The following KMT2B variants were observed in gnomAD, a reference collection of about 807,000 sequenced individuals.
KMT2B encodes the protein lysine methyltransferase 2B.
In KMT2B, 22 loss-of-function variants were observed where a neutral mutation model predicts 255.3. That is an observed-to-expected ratio of 0.09 (90% confidence interval 0.06 to 0.12). The LOEUF (loss-of-function observed/expected upper bound fraction) is 0.12, where lower values mean the gene tolerates loss of function less well. Among genes scored for constraint, KMT2B ranks in the 10% least tolerant of loss-of-function variants. KMT2B has a pLI of 1.00. For synonymous variants in KMT2B, 1,730 were observed against 1,498.1 expected, an observed-to-expected ratio of 1.15 and a Z score of -3.57; for missense variants, 3,149 against 3,737.0, an observed-to-expected ratio of 0.84 and a Z score of 4.10.
chr19:35,726,272 G>A lies in KMT2B; in HGVS notation c.3922G>A (p.Ala1308Thr). Residue 1308 changes from alanine to threonine, a missense_variant, in exon 14 of 37, where the codon GCA (alanine) becomes ACA (threonine). Transcript: ENST00000420124. Reference protein sequence around the residue: ...SACVRCKSCGATPGKNWDVEW... With the variant: ...SACVRCKSCGTTPGKNWDVEW... ...CTGTGTGCGCTGTAAGAGCTGTGGG[G>A]CAACTCCAGGCAAGAACTGGGACGT... 1.9e-6 allele frequency: 3 copies of A among 1,613,812 alleles called. No homozygotes were observed. Among genetic ancestry groups the A allele is most frequent in the South Asian group, 1.1e-5 (1 of 91,076 alleles).
chr19:35,733,820 C>G lies in KMT2B; in HGVS notation c.7107C>G (p.Val2369=). The change falls in exon 30 of 37, where the codon GTC becomes GTG. Residue 2369 remains valine (V), a synonymous_variant. Transcript: ENST00000420124. This position sits in a 1 kb window ranked among gnomAD's most constrained non-coding sequence, Gnocchi z 4.3. ...TTCCGGAAGATGGTCCTCCCCAGGT[C>G]CCCGATGGTCCCCCAGACCTGCTGC... The part of the protein sequence containing the change: ...LPLPEDGPPQ[V]PDGPPDLLLE... The G allele has an allele frequency of 6.2e-7, 1 of 1,613,736 alleles. No individual in the cohort carries two copies. The highest frequency in any genetic ancestry group is 8.5e-7 in the Non-Finnish European group (1 of 1,179,734).
intron 1 of KMT2B, among the ~76,000 whole-genome samples, 179 bp from the exon 2 acceptor site, chr19:35,719,290 C>T (rs562388181): frequency 6.6e-6 from 1 of 152,266 alleles, no homozygotes; most frequent in African/African-American, 2.4e-5. Flanking sequence ...CCTGGCGCCT[C>T]CATCCCTAGG....
intron 3 of KMT2B, 69 bp downstream of exon 3, chr19:35,721,873 C>A: frequency 6.9e-7 from 1 of 1,455,886 alleles, no homozygotes; most frequent in Non-Finnish European, 9.0e-7. Flanking sequence ...ACCCCCTAAC[C>A]TTCCGCCTCC....
In KMT2B at chr19:35,738,580, C is replaced by T. The variant is rs750229127; in HGVS notation, c.*23C>T. ...TGAGGCCGTGGCTGCCCACCACGACCCCTCACACCTCCTGCTGCCGTCGCT... is the reference window on the plus strand; with the variant it reads ...TGAGGCCGTGGCTGCCCACCACGACTCCTCACACCTCCTGCTGCCGTCGCT... On this transcript the variant is annotated 3_prime_UTR_variant, in exon 37 of 37. Transcript: ENST00000420124. This position sits in a 1 kb window ranked among gnomAD's most constrained non-coding sequence, Gnocchi z 8.7. 1 of 1,603,918 alleles carries T rather than the reference C, an allele frequency of 6.2e-7. No homozygotes were observed. The highest frequency in any genetic ancestry group is 1.1e-5 in the South Asian group (1 of 90,320).
Position 35,723,709 on chromosome 19 carries a change from T to A in KMT2B, c.3059-23T>A, listed in dbSNP as rs375929191. 5 of 1,516,836 alleles carry A rather than the reference T, an allele frequency of 3.3e-6. No individual in the cohort carries two copies. The African/African-American group carries it at 5.6e-5, about 17-fold the overall frequency. The allele number at this position is 1,516,836 out of a possible 1,614,324, so 94.0% of individuals were successfully genotyped here. On this transcript the variant is annotated intron_variant, in intron 7 of 36. Coordinates refer to ENST00000420124, the MANE Select transcript of KMT2B (RefSeq NM_014727.3). The surrounding 1 kb of genome is among the most constrained non-coding windows in gnomAD (Gnocchi z 7.5). ...CATGTCCCTGGCTGAGCTCAAATCC[T>A]ACTAAGTCCCCTGTTCCCGCAGGCC...
Position 35,737,972 on chromosome 19 carries a change from T to G in KMT2B, c.7742+30T>G. 1 of 1,607,064 alleles carries G rather than the reference T, an allele frequency of 6.2e-7. No individual in the cohort carries two copies. The highest frequency in any genetic ancestry group is 1.1e-5 in the South Asian group (1 of 90,110). On this transcript the variant is annotated intron_variant, in intron 35 of 36. Transcript: ENST00000420124. This position sits in a 1 kb window ranked among gnomAD's most constrained non-coding sequence, Gnocchi z 5.3. ...GTGGGGTTGGGGGGGAGGATGCCCCTTGGGTGGACGGACAGGTGCACTGGG... is the reference window on the plus strand; with the variant it reads ...GTGGGGTTGGGGGGGAGGATGCCCCGTGGGTGGACGGACAGGTGCACTGGG...
rs1599707590 is a variant in KMT2B, at chr19:35,738,662, A to C, written c.*105A>C. 2.3e-6 allele frequency: 3 copies of C among 1,277,104 alleles called. No individual in the cohort carries two copies. The highest frequency in any genetic ancestry group is 1.5e-5 in the African/African-American group (1 of 66,736). The allele number at this position is 1,277,104 out of a possible 1,614,324, so 79.1% of individuals were successfully genotyped here. A position where few individuals can be genotyped will look rare whatever the true frequency, so the allele number is the denominator to read the frequency against. On this transcript the variant is annotated 3_prime_UTR_variant, in exon 37 of 37. Transcript: ENST00000420124. The surrounding 1 kb of genome is among the most constrained non-coding windows in gnomAD (Gnocchi z 8.7). ...GCCCCTCCCAGAGCATCTCACCCCC[A>C]CCCTCATGTTCAGGGTGGATGTGGG...
rs1969180928 is a variant in KMT2B at position 35,721,127 on chromosome 19, G to C, written c.1780G>C (p.Val594Leu). The stretch of plus-strand genomic sequence containing the variant: ...TGCCCCAACTCCTCCATCTACCCCA[G>C]TTCCACTCCCTGAGAAGAGACGGTC... ...PRAPTPPSTP[V>L]PLPEKRRSIL... Residue 594 changes from valine to leucine, a missense_variant, in exon 3 of 37, where the codon GTT (valine) becomes CTT (leucine). Transcript: ENST00000420124. 6.2e-7 allele frequency: 1 copy of C among 1,605,050 alleles called. No individual in the cohort carries two copies. The highest frequency in any genetic ancestry group is 1.4e-5 in the African/African-American group (1 of 73,122).
chr19:35,720,754 G>T lies in KMT2B; in HGVS notation c.1407G>T (p.Arg469Ser). 6.8e-7 allele frequency: 1 copy of T among 1,473,544 alleles called. No individual in the cohort carries two copies. The highest frequency in any genetic ancestry group is 9.0e-7 in the Non-Finnish European group (1 of 1,110,952). The allele number at this position is 1,473,544 out of a possible 1,614,324, so 91.3% of individuals were successfully genotyped here. Reference protein sequence around the residue: ...PVVPATCSRKRGRPPLTPSQR... With the variant: ...PVVPATCSRKSGRPPLTPSQR... ...TCCCAGCTACGTGCTCCAGGAAGAG[G>T]GGCCGGCCTCCCCTGACTCCCAGCC... Residue 469 changes from arginine (R) to serine (S), a missense_variant, in exon 3 of 37, where the codon AGG becomes AGT. Coordinates refer to ENST00000420124, the MANE Select transcript of KMT2B (RefSeq NM_014727.3).
chr19:35,737,407 C>A lies in KMT2B; in HGVS notation c.7550+144C>A. The A allele has an allele frequency of 1.0e-6, 1 of 988,180 alleles. No homozygotes were observed. Among genetic ancestry groups the A allele is most frequent in the Non-Finnish European group, 1.4e-6 (1 of 694,928 alleles). 61.2% of individuals were successfully genotyped at this position (988,180 alleles called of 1,614,324 possible). A position where few individuals can be genotyped will look rare whatever the true frequency, so the allele number is the denominator to read the frequency against. ...AGAGTTATTTCTAGAGTTAGCCAGG[C>A]TCCGTGGCTCATGCCTGTAATCCCG... On this transcript the variant is annotated intron_variant, in intron 33 of 36. Transcript: ENST00000420124. This position sits in a 1 kb window ranked among gnomAD's most constrained non-coding sequence, Gnocchi z 5.3.
In KMT2B at chr19:35,727,145, C is replaced by T. The variant is rs1164582892; in HGVS notation, c.4004-11C>T. On this transcript the variant is annotated splice_polypyrimidine_tract_variant and intron_variant, in intron 14 of 36. Coordinates refer to ENST00000420124, the MANE Select transcript of KMT2B (RefSeq NM_014727.3). The surrounding 1 kb of genome is among the most constrained non-coding windows in gnomAD (Gnocchi z 4.2). The stretch of plus-strand genomic sequence containing the variant: ...CCAGCACCTCTGACTCCTTCTCTTC[C>T]CTTTCTCTAGGAAACTACTGCCCGA... 3.1e-6 allele frequency: 5 copies of T among 1,597,916 alleles called. No individual in the cohort carries two copies. The highest frequency in any genetic ancestry group is 1.1e-5 in the South Asian group (1 of 89,038).
At position 35,718,535 on chromosome 19, in the gene KMT2B, CG is replaced by C. The variant is rs1001174696; in HGVS notation, c.363+159del. The stretch of plus-strand genomic sequence containing the variant: ...AGGGAGGGCGGCTGCATGCAGCTTC[CG>C]GGGGAAAGGGCCTCTGGAAGTGGGT... On this transcript the variant is annotated intron_variant, in intron 1 of 36. Transcript: ENST00000420124. The surrounding 1 kb of genome is among the most constrained non-coding windows in gnomAD (Gnocchi z 5.0). Among the ~76,000 whole-genome samples the C allele has an allele frequency of 3.5e-4, 54 of 152,122 alleles. 1 individual carries two copies. Among genetic ancestry groups the C allele is most frequent in the Non-Finnish European group, 5.9e-5 (4 of 68,016 alleles).
Position 35,725,692 on chromosome 19 carries a change from G to T in KMT2B, c.3790-31G>T. On this transcript the variant is annotated intron_variant, in intron 12 of 36. Transcript: ENST00000420124. This position sits in a 1 kb window ranked among gnomAD's most constrained non-coding sequence, Gnocchi z 4.1. ...GGTGAGGGCATCCCTGTGCCAGCAG[G>T]TTTCGCCATCTCTGTCTCCACATCC... The T allele has an allele frequency of 1.2e-6, 2 of 1,613,220 alleles. No individual in the cohort carries two copies. Among genetic ancestry groups the T allele is most frequent in the South Asian group, 1.1e-5 (1 of 91,062 alleles).
chr19:35,722,002 C>G (rs1021260942), intron 3 of KMT2B, among the ~76,000 whole-genome samples, 198 bp downstream of exon 3: 3 of 117,366 alleles, frequency 2.6e-5, no homozygotes, highest in African/African-American at 1.4e-4. Context: ...TCCCTATCTT[C>G]CTTTTTTTTT....
chr19:35,738,470 C>T lies in KMT2B; in HGVS notation c.8061C>T (p.Thr2687=), dbSNP rs781024367. 1.2e-6 allele frequency: 2 copies of T among 1,614,136 alleles called. No homozygotes were observed. Among genetic ancestry groups the T allele is most frequent in the Admixed American group, 1.7e-5 (1 of 60,012 alleles). ...LRRILRGEEL[T]YDYKFPIEDA... Reference sequence around the variant, plus strand: ...GCATCCTGCGTGGTGAGGAGCTCACCTACGACTACAAGTTCCCCATCGAGG... The same window carrying T: ...GCATCCTGCGTGGTGAGGAGCTCACTTACGACTACAAGTTCCCCATCGAGG... Residue 2687 remains threonine, a synonymous_variant, in exon 37 of 37, where the codon ACC becomes ACT. Transcript: ENST00000420124. The surrounding 1 kb of genome is among the most constrained non-coding windows in gnomAD (Gnocchi z 8.7).
intron 19 of KMT2B, among the ~76,000 whole-genome samples, 183 bp from the exon 20 acceptor site, chr19:35,728,591 G>C (rs147734396): frequency 6.9e-4 from 105 of 152,314 alleles, no homozygotes; most frequent in African/African-American, 2.3e-3. Context: ...TTGCAGGCAT[G>C]AGGAGCAGCA....
Position 35,727,316 on chromosome 19 carries a change from C to G in KMT2B, c.4117+47C>G, listed in dbSNP as rs1435553754. 3 of 1,572,076 alleles carry G rather than the reference C, an allele frequency of 1.9e-6. No homozygotes were observed. The South Asian group carries it at 3.3e-5, about 17-fold the overall frequency. ...GCTGCAGCCTCAACCCTGTGGGGAC[C>G]CCTGCCCCCACCACAGGCCCCAAGA... On this transcript the variant is annotated intron_variant, in intron 15 of 36. Transcript: ENST00000420124. This position sits in a 1 kb window ranked among gnomAD's most constrained non-coding sequence, Gnocchi z 4.2.
Position 35,725,754 on chromosome 19 carries a change from C to T in KMT2B, c.3821C>T (p.Ala1274Val). 1 of 1,605,072 alleles carries T rather than the reference C, an allele frequency of 6.2e-7. No homozygotes were observed. The highest frequency in any genetic ancestry group is 8.5e-7 in the Non-Finnish European group (1 of 1,176,062). Residue 1274 changes from alanine (A) to valine (V), a missense_variant, in exon 13 of 37, where the codon GCA (alanine) becomes GTA (valine). Coordinates refer to ENST00000420124, the MANE Select transcript of KMT2B (RefSeq NM_014727.3). This position sits in a 1 kb window ranked among gnomAD's most constrained non-coding sequence, Gnocchi z 4.1. ...HLLECERCRHAYHPACLGPSY... is the reference protein window; with the variant it reads ...HLLECERCRHVYHPACLGPSY... ...CTGGAGTGCGAGCGCTGCCGCCATG[C>T]ATACCACCCGGCCTGTCTGGGGCCC...
Position 35,721,127 on chromosome 19 carries a change from G to A in KMT2B, c.1780G>A (p.Val594Ile). ...PRAPTPPSTP[V>I]PLPEKRRSIL... Reference sequence around the variant, plus strand: ...TGCCCCAACTCCTCCATCTACCCCAGTTCCACTCCCTGAGAAGAGACGGTC... The same window carrying A: ...TGCCCCAACTCCTCCATCTACCCCAATTCCACTCCCTGAGAAGAGACGGTC... The change falls in exon 3 of 37, where the codon GTT becomes ATT. Residue 594 changes from valine (V) to isoleucine (I), a missense_variant. Coordinates refer to ENST00000420124, the MANE Select transcript of KMT2B (RefSeq NM_014727.3). 1 of 1,605,050 alleles carries A rather than the reference G, an allele frequency of 6.2e-7. No homozygotes were observed. Among genetic ancestry groups the A allele is most frequent in the Non-Finnish European group, 8.5e-7 (1 of 1,177,402 alleles).
Sources: allele counts gnomAD v4.1 joint callset (sites outside exome capture counted in the v4.1 genomes callset), GRCh38; gene constraint gnomAD v4.1.1; non-coding constraint Gnocchi (gnomAD v3.1); transcripts MANE v1.5; gene names NCBI Gene and HGNC (gene_info 2026-07-23, HGNC 2026-07-21).